EDEM1: variants seen among roughly 807,000 people sequenced by gnomAD.
EDEM1 encodes the protein ER degradation-enhancing alpha-mannosidase-like protein 1.
A neutral mutation model predicts 74.4 loss-of-function variants in EDEM1; 67 were observed. That is an observed-to-expected ratio of 0.90 (90% CI 0.74 to 1.10). EDEM1 has a LOEUF of 1.10. Among genes scored for constraint, EDEM1 ranks in the 50% least tolerant of loss-of-function variants. The pLI is 0.00. For synonymous variants in EDEM1, 382 were observed against 335.9 expected (o/e 1.14, Z -1.50); for missense variants, 926 against 851.6 (o/e 1.09, Z -1.09).
intron 1 of EDEM1, among the ~76,000 whole-genome samples, chr3:5,188,990 C>T (rs2054867423): frequency 6.6e-6 from 1 of 152,116 alleles, no homozygotes; most frequent in Non-Finnish European, 1.5e-5. Context: ...ACGTCATCGC[C>T]CTGTACGATC....
At chr3:5,194,645 C>T (rs749925116) in intron 1 of EDEM1, among the ~76,000 whole-genome samples, 6 of 152,008 alleles carry the variant, frequency 3.9e-5, no homozygotes, top group Admixed American at 3.3e-4. Context: ...TCAGAATTAA[C>T]GGAAATAATC....
chr3:5,209,412 C>T (rs1041507794), intron 8 of EDEM1, among the ~76,000 whole-genome samples: 4 of 152,152 alleles, frequency 2.6e-5, no homozygotes, highest in African/African-American at 9.7e-5. Flanking sequence ...TCTGTCACTG[C>T]TTCTTTCATG....
rs779824502 is a variant in EDEM1 at position 5,199,678 on chromosome 3, C to T, written c.669C>T (p.Val223=). 38 of 1,613,382 alleles carry T rather than the reference C, an allele frequency of 2.4e-5. No individual in the cohort carries two copies. Among genetic ancestry groups the T allele is most frequent in the South Asian group, 1.8e-4 (16 of 90,968 alleles). Residue 223 remains valine (V), a synonymous_variant, in exon 3 of 12, where the codon GTC becomes GTT. Coordinates refer to ENST00000256497, the MANE Select transcript of EDEM1 (RefSeq NM_014674.3). The part of the protein sequence containing the change: ...VSFDKDSTVQ[V]FEATIRVLGS... ...TTGACAAAGATTCCACCGTCCAAGT[C>T]TTTGAGGCCACGATAAGGTAAAATA...
At chr3:5,192,146 C>CT (rs545695760) in intron 1 of EDEM1, among the ~76,000 whole-genome samples, 75 of 152,278 alleles carry the variant, frequency 4.9e-4, no homozygotes, top group African/African-American at 1.5e-3. Flanking sequence ...GATGATTTTC[C>CT]TTTATTTGCT....
rs73809803 is a variant in EDEM1, at chr3:5,202,861, G to A, written c.859-105G>A. Reference sequence around the variant, plus strand: ...GGAAGGCAGAGGGCAGACTCTCACCGTGGTAAGCTTGGTTTATTAGCTGAG... The same window carrying A: ...GGAAGGCAGAGGGCAGACTCTCACCATGGTAAGCTTGGTTTATTAGCTGAG... On this transcript the variant is annotated intron_variant, in intron 4 of 11. Coordinates refer to ENST00000256497, the MANE Select transcript of EDEM1 (RefSeq NM_014674.3). The A allele has an allele frequency of 4.0e-3, 3,844 of 962,310 alleles. 106 individuals are homozygous for A. In the African/African-American group the frequency reaches 0.056, roughly 14 times the overall value. 59.6% of individuals were successfully genotyped at this position (962,310 alleles called of 1,614,324 possible).
chr3:5,200,892 A>C (rs889244753), intron 3 of EDEM1, among the ~76,000 whole-genome samples: 1 of 151,154 alleles, frequency 6.6e-6, no homozygotes, highest in African/African-American at 2.4e-5. Context: ...ATTTGAATTA[A>C]ATTAAATTTT....
intron 1 of EDEM1, among the ~76,000 whole-genome samples, chr3:5,194,431 T>C (rs944444312): frequency 3.9e-5 from 6 of 152,242 alleles, no homozygotes; most frequent in African/African-American, 1.4e-4. Flanking sequence ...TTGTTGACTT[T>C]TTTGTAAAGT....
Position 5,218,668 on chromosome 3 carries a change from T to G in EDEM1, c.*2750T>G, listed in dbSNP as rs914815297. ...GTAGAAAGCTGCCTTATAGTTGGCT[T>G]GACAAAGCATAATTCTCTCATAACA... On this transcript the variant is annotated 3_prime_UTR_variant, in exon 12 of 12. Transcript: ENST00000256497. 2.0e-5 allele frequency: 3 copies of G among 152,164 alleles called. No individual in the cohort carries two copies. Among genetic ancestry groups the G allele is most frequent in the African/African-American group, 7.2e-5 (3 of 41,416 alleles). 9.4% of individuals were successfully genotyped at this position (152,164 alleles called of 1,614,324 possible).
intron 1 of EDEM1, 93 bp downstream of exon 1, chr3:5,188,407 A>G: frequency 5.5e-6 from 7 of 1,271,984 alleles, no homozygotes; most frequent in Non-Finnish European, 7.0e-6. Flanking sequence ...GGGGCCCCCG[A>G]GGGCGCCAGG....
rs139592946 is a variant in EDEM1 at position 5,213,252 on chromosome 3, C to T, written c.1681-67C>T. 8,825 of 1,461,782 alleles carry T rather than the reference C, an allele frequency of 6.0e-3. 47 individuals are homozygous for T. Among genetic ancestry groups the T allele is most frequent in the Non-Finnish European group, 7.3e-3 (7,872 of 1,072,114 alleles). 90.6% of individuals were successfully genotyped at this position (1,461,782 alleles called of 1,614,324 possible). A position where few individuals can be genotyped will look rare whatever the true frequency, so the allele number is the denominator to read the frequency against. ...TTCTACTCCCTGAGTAGCTGGGACA[C>T]GCCCCCATGATTCAGTTCCCAGTGT... On this transcript the variant is annotated intron_variant, in intron 10 of 11. Coordinates refer to ENST00000256497, the MANE Select transcript of EDEM1 (RefSeq NM_014674.3).
At chr3:5,215,296 G>C (rs571735004) in intron 11 of EDEM1, among the ~76,000 whole-genome samples, 1 of 149,554 alleles carries the variant, frequency 6.7e-6, no homozygotes, top group East Asian at 2.0e-4. Context: ...AGTGGTGGGG[G>C]TGGGGGGGTT....
intron 7 of EDEM1, 56 bp downstream of exon 7, chr3:5,207,329 TC>T (rs755524038): frequency 6.3e-6 from 10 of 1,599,386 alleles, no homozygotes; most frequent in Non-Finnish European, 8.5e-6. Flanking sequence ...GGCTTCTCCC[TC>T]CTTTTCTTTC....
chr3:5,192,719 C>G (rs555711251), intron 1 of EDEM1, among the ~76,000 whole-genome samples: 5 of 152,108 alleles, frequency 3.3e-5, no homozygotes, highest in Non-Finnish European at 7.4e-5. Flanking sequence ...TGCTGTTAGG[C>G]CAGTAGAGTT....
chr3:5,210,264 T>C lies in EDEM1; in HGVS notation c.1583+16T>C. The C allele has an allele frequency of 6.2e-7, 1 of 1,609,606 alleles. No homozygotes were observed. The highest frequency in any genetic ancestry group is 8.5e-7 in the Non-Finnish European group (1 of 1,176,138). ...CAAAAGTCAAGTCAGTTTTCTAAGT[T>C]CCTACCTTTTTCTGTCAGCCACTTT... is the stretch of plus-strand genomic sequence containing the variant. On this transcript the variant is annotated intron_variant, in intron 9 of 11. Coordinates refer to ENST00000256497, the MANE Select transcript of EDEM1 (RefSeq NM_014674.3).
chr3:5,187,826 C>T lies in EDEM1; in HGVS notation c.21C>T (p.Val7=). 8.2e-6 allele frequency: 13 copies of T among 1,587,020 alleles called. No homozygotes were observed. Among genetic ancestry groups the T allele is most frequent in the South Asian group, 2.3e-5 (2 of 88,292 alleles). The change falls in exon 1 of 12, where the codon GTC becomes GTT. Residue 7 remains valine (V), a synonymous_variant. Coordinates refer to ENST00000256497, the MANE Select transcript of EDEM1 (RefSeq NM_014674.3). MQWRAL[V]LGLVLLRLGL... ...CGACCATGCAATGGCGAGCGCTCGT[C>T]CTGGGGCTGGTGCTCCTCCGGCTTG...
rs763026491 is a variant in EDEM1 at position 5,187,823 on chromosome 3, C to A, written c.18C>A (p.Leu6=). MQWRA[L]VLGLVLLRLG... is the part of the protein sequence containing the mutation. Reference sequence around the variant, plus strand: ...GCGCGACCATGCAATGGCGAGCGCTCGTCCTGGGGCTGGTGCTCCTCCGGC... The same window carrying A: ...GCGCGACCATGCAATGGCGAGCGCTAGTCCTGGGGCTGGTGCTCCTCCGGC... The change falls in exon 1 of 12, where the codon CTC becomes CTA. Residue 6 remains leucine (L), a synonymous_variant. Transcript: ENST00000256497. 1.9e-6 allele frequency: 3 copies of A among 1,582,570 alleles called. No homozygotes were observed. Among genetic ancestry groups the A allele is most frequent in the East Asian group, 2.4e-5 (1 of 41,384 alleles).
Position 5,187,879 on chromosome 3 carries a change from T to G in EDEM1, c.74T>G (p.Phe25Cys). The stretch of plus-strand genomic sequence containing the variant: ...CTCCATGGAGTATTGTGGCTCGTCT[T>G]CGGGCTGGGGCCCAGCATGGGCTTC... ...LGLHGVLWLV[F>C]GLGPSMGFYQ... Residue 25 changes from phenylalanine to cysteine, a missense_variant, in exon 1 of 12, where the codon TTC becomes TGC. By Grantham distance (205) the Phe-to-Cys change is radical. Transcript: ENST00000256497. The G allele has an allele frequency of 1.3e-6, 2 of 1,598,746 alleles. No homozygotes were observed. The highest frequency in any genetic ancestry group is 1.7e-6 in the Non-Finnish European group (2 of 1,174,484).
chr3:5,205,759 A>G (rs1244375920), intron 6 of EDEM1, among the ~76,000 whole-genome samples: 1 of 152,218 alleles, frequency 6.6e-6, no homozygotes, highest in Non-Finnish European at 1.5e-5. Flanking sequence ...AAGAGGCCAA[A>G]ATGGCAACCA....
In EDEM1 at chr3:5,199,664, T is replaced by G. The variant is rs1482546306; in HGVS notation, c.655T>G (p.Ser219Ala). The G allele has an allele frequency of 2.5e-6, 4 of 1,613,722 alleles. No individual in the cohort carries two copies. The African/African-American group carries it at 4.0e-5, about 16-fold the overall frequency. Residue 219 changes from serine to alanine, a missense_variant, in exon 3 of 12, where the codon TCC becomes GCC. Transcript: ENST00000256497. ...CAACACAGTTTCATTTGACAAAGAT[T>G]CCACCGTCCAAGTCTTTGAGGCCAC... is the stretch of plus-strand genomic sequence containing the variant. ...VINTVSFDKD[S>A]TVQVFEATIR...
Sources: gnomAD v4.1 joint callset for allele counts (sites outside exome capture counted in the v4.1 genomes callset) on GRCh38, gnomAD v4.1.1 for gene constraint, MANE v1.5 for transcripts, NCBI Gene and HGNC (gene_info 2026-07-23, HGNC 2026-07-21) for gene names.